The following ADAMTS16 variants were observed in gnomAD, a reference collection of about 807,000 sequenced individuals.
ADAMTS16 encodes A disintegrin and metalloproteinase with thrombospondin motifs 16.
ADAMTS16 carries 94 observed loss-of-function variants against 145.8 expected under a neutral mutation model. The ratio of observed to expected loss-of-function variants is 0.64; its 90% CI spans 0.55 to 0.77. The LOEUF (loss-of-function observed/expected upper bound fraction) is 0.77, where lower values mean the gene tolerates loss of function less well. Ranked by LOEUF, ADAMTS16 falls within the 30% of genes least tolerant of loss-of-function variation. ADAMTS16 has a pLI of 0.00. For synonymous variants in ADAMTS16, 659 were observed against 604.3 expected (o/e 1.09, Z -1.33); for missense variants, 1,585 against 1,591.5 (o/e 1.00, Z 0.07).
At chr5:5,155,673 A>G (rs780746654) in intron 3 of ADAMTS16, among the ~76,000 whole-genome samples, 54 of 152,142 alleles carry the variant, frequency 3.5e-4, no homozygotes, top group Non-Finnish European at 6.9e-4. Context: ...TAAGCTACAA[A>G]CTAGAATCAG....
intron 18 of ADAMTS16, among the ~76,000 whole-genome samples, chr5:5,278,240 G>A (rs902506952): frequency 6.6e-6 from 1 of 152,156 alleles, no homozygotes; most frequent in Non-Finnish European, 1.5e-5. Context: ...GAATTCCAGT[G>A]ACTTTGGTTC....
At chr5:5,239,610 G>T in intron 15 of ADAMTS16, 71 bp from the exon 16 acceptor site, 1 of 1,583,976 alleles carries the variant, frequency 6.3e-7, no homozygotes, top group African/African-American at 1.3e-5. Flanking sequence ...ACCGAGGACT[G>T]GGGTTGCTTA....
intron 10 of ADAMTS16, among the ~76,000 whole-genome samples, chr5:5,220,842 C>T (rs1041487858): frequency 2.0e-5 from 3 of 152,138 alleles, no homozygotes; most frequent in Admixed American, 6.5e-5. Flanking sequence ...CCAAACTCTA[C>T]TGGACCATTG....
intron 3 of ADAMTS16, among the ~76,000 whole-genome samples, chr5:5,169,535 A>T (rs1734991917): frequency 6.6e-6 from 1 of 152,092 alleles, no homozygotes; most frequent in Non-Finnish European, 1.5e-5. Context: ...ACCTTCCTTG[A>T]GCCTTTGGTG....
At chr5:5,221,035 C>T (rs1029519918) in intron 10 of ADAMTS16, among the ~76,000 whole-genome samples, 2 of 152,132 alleles carry the variant, frequency 1.3e-5, no homozygotes, top group Non-Finnish European at 1.5e-5. Context: ...CGCCCAGGGG[C>T]TGCTCAATCT....
At chr5:5,212,100 T>C (rs950146090) in intron 10 of ADAMTS16, among the ~76,000 whole-genome samples, 4 of 152,156 alleles carry the variant, frequency 2.6e-5, no homozygotes, top group Admixed American at 6.6e-5. Context: ...TTCCTACTTG[T>C]TCCACCAGTT....
intron 21 of ADAMTS16, among the ~76,000 whole-genome samples, chr5:5,316,371 C>T (rs1397389002): frequency 6.6e-6 from 1 of 152,216 alleles, no homozygotes; most frequent in Non-Finnish European, 1.5e-5. Flanking sequence ...AATCTTCTTG[C>T]AGGTGCTCCT....
chr5:5,272,236 G>A (rs879491804), intron 18 of ADAMTS16, among the ~76,000 whole-genome samples: 11 of 152,232 alleles, frequency 7.2e-5, no homozygotes, highest in Non-Finnish European at 1.0e-4. Context: ...AAGTAGCTGA[G>A]CGTTCCCAAG....
intron 10 of ADAMTS16, among the ~76,000 whole-genome samples, chr5:5,210,278 T>C (rs1311889496): frequency 1.3e-5 from 2 of 152,208 alleles, no homozygotes; most frequent in Non-Finnish European, 2.9e-5. Context: ...ATCTTCTAGA[T>C]TGTGCTTCTG....
rs140714672 is a variant in ADAMTS16, at chr5:5,310,588, A to C, written c.3411+3860A>C. Among the ~76,000 whole-genome samples, 1,073 of 152,226 alleles carry C rather than the reference A, an allele frequency of 7.0e-3. 16 individuals carry two copies. Among genetic ancestry groups the C allele is most frequent in the African/African-American group, 0.024 (998 of 41,526 alleles). ...ACATGGGGAGCAAGTGGTGGGTGGCACTGGCTGTGTGATGGGTGACAGAGG... is the reference window on the plus strand; with the variant it reads ...ACATGGGGAGCAAGTGGTGGGTGGCCCTGGCTGTGTGATGGGTGACAGAGG... On this transcript the variant is annotated intron_variant, in intron 21 of 22. Transcript: ENST00000274181. The surrounding 1 kb of genome is among the most constrained non-coding windows in gnomAD (Gnocchi z 4.3).
chr5:5,269,430 C>G lies in ADAMTS16; in HGVS notation c.2789+6647C>G, dbSNP rs79727730. Among the ~76,000 whole-genome samples, 2,930 of 152,238 alleles carry G rather than the reference C, an allele frequency of 0.019. 94 individuals are homozygous for G. Among genetic ancestry groups the G allele is most frequent in the African/African-American group, 0.066 (2,752 of 41,516 alleles). On this transcript the variant is annotated intron_variant, in intron 18 of 22. Transcript: ENST00000274181. This position sits in a 1 kb window ranked among gnomAD's most constrained non-coding sequence, Gnocchi z 4.3. ...TGGTACACAATCCTTACACCTGCCC[C>G]TGGGTCATTTGCTCCCCACCTCCCA...
intron 18 of ADAMTS16, 83 bp from the exon 19 acceptor site, chr5:5,303,185 C>CG: frequency 7.2e-7 from 1 of 1,382,226 alleles, no homozygotes; most frequent in Non-Finnish European, 9.6e-7. Flanking sequence ...GAAATCGCGC[C>CG]GCTGCCTCCA....
intron 9 of ADAMTS16, among the ~76,000 whole-genome samples, chr5:5,206,523 G>A (rs924606082): frequency 2.7e-5 from 4 of 149,366 alleles, no homozygotes; most frequent in Admixed American, 1.3e-4. Context: ...TCTGTTACCC[G>A]GACTGGAGTG....
In ADAMTS16 at chr5:5,200,735, T is replaced by G. The variant is rs558435904; in HGVS notation, c.1451+466T>G. 8.5e-5 allele frequency among the ~76,000 whole-genome samples: 13 copies of G among 152,264 alleles called. No homozygotes were observed. In the South Asian group the frequency reaches 2.3e-3, roughly 27 times the overall value. On this transcript the variant is annotated intron_variant, in intron 9 of 22. Coordinates refer to ENST00000274181, the MANE Select transcript of ADAMTS16 (RefSeq NM_139056.4). ...CTTTTTCTTCCTTTCTCTCTCACTT[T>G]CTTTCTTTTTACTAAATGCATTCCT... is the stretch of plus-strand genomic sequence containing the variant.
At chr5:5,174,309 T>A (rs1423582609) in intron 3 of ADAMTS16, among the ~76,000 whole-genome samples, 1 of 152,228 alleles carries the variant, frequency 6.6e-6, no homozygotes, top group Non-Finnish European at 1.5e-5. Context: ...CTGAGAAGTC[T>A]GCTGTCAGAT....
chr5:5,186,219 A>G lies in ADAMTS16; in HGVS notation c.931A>G (p.Ile311Val). Residue 311 changes from isoleucine (I) to valine (V), a missense_variant, in exon 5 of 23, where the codon ATC (isoleucine) becomes GTC (valine). Physicochemically the swap from Ile to Val is conservative, Grantham distance 29. Coordinates refer to ENST00000274181, the MANE Select transcript of ADAMTS16 (RefSeq NM_139056.4). ...KMMQNHGHEN[I>V]TTYVLTILNM... ...GATGCAAAACCATGGCCATGAAAAT[A>G]TCACCACCTACGTGCTCACGATACT... 1 of 1,613,860 alleles carries G rather than the reference A, an allele frequency of 6.2e-7. No homozygotes were observed. The highest frequency in any genetic ancestry group is 2.2e-5 in the East Asian group (1 of 44,878).
intron 11 of ADAMTS16, among the ~76,000 whole-genome samples, chr5:5,225,760 A>G (rs1308669982): frequency 6.6e-6 from 1 of 152,186 alleles, no homozygotes; most frequent in Non-Finnish European, 1.5e-5. Flanking sequence ...CGTGAGTATA[A>G]AGAAAACATA....
intron 9 of ADAMTS16, among the ~76,000 whole-genome samples, chr5:5,201,859 T>C (rs1468019750): frequency 1.3e-5 from 2 of 152,246 alleles, no homozygotes; most frequent in Admixed American, 1.3e-4. Context: ...TCTTCAGTTC[T>C]CAACCGGCCT....
At chr5:5,220,156 C>CTT (rs11323873) in intron 10 of ADAMTS16, among the ~76,000 whole-genome samples, 74 of 118,220 alleles carry the variant, frequency 6.3e-4, no homozygotes, top group African/African-American at 1.7e-3. Context: ...AATAATTTAA[C>CTT]TTTTTTTTTT....
Sources: gnomAD v4.1 joint callset for allele counts (sites outside exome capture counted in the v4.1 genomes callset) on GRCh38, gnomAD v4.1.1 for gene constraint, Gnocchi (gnomAD v3.1) non-coding constraint, MANE v1.5 for transcripts, NCBI Gene and HGNC (gene_info 2026-07-23, HGNC 2026-07-21) for gene names.